The following LAMB4 variants were observed in gnomAD, a reference collection of about 807,000 sequenced individuals.
The protein encoded by LAMB4 is laminin subunit beta 4, also known as laminin subunit beta-4.
LAMB4 carries 196 observed loss-of-function variants against 199.2 expected under a neutral mutation model. The ratio of observed to expected loss-of-function variants is 0.98; its 90% confidence interval spans 0.88 to 1.11. LAMB4 has a LOEUF of 1.11. Among genes scored for constraint, LAMB4 ranks in the 50% least tolerant of loss-of-function variants. LAMB4 has a pLI of 0.00. For missense variants in LAMB4, 2,080 were observed against 2,171.2 expected, an observed-to-expected ratio of 0.96 and a Z score of 0.83; for synonymous variants, 744 against 770.6, an observed-to-expected ratio of 0.97 and a Z score of 0.57.
chr7:108,120,803 AT>A (rs1221550340), intron 2 of LAMB4, among the ~76,000 whole-genome samples: 3 of 151,756 alleles, frequency 2.0e-5, no homozygotes, highest in South Asian at 4.2e-4. Context: ...TCCATCCTGG[AT>A]TTTTTTTTAA....
At position 108,078,249 on chromosome 7, in the gene LAMB4, T is replaced by A. The variant is rs1205894437; in HGVS notation, c.1955A>T (p.Lys652Met). The A allele has an allele frequency of 6.2e-7, 1 of 1,612,008 alleles. No homozygotes were observed. Among genetic ancestry groups the A allele is most frequent in the South Asian group, 1.1e-5 (1 of 90,274 alleles). Residue 652 changes from lysine (K) to methionine (M), a missense_variant, in exon 16 of 34, where the codon AAG (lysine) becomes ATG (methionine). Transcript: ENST00000388781. Reference sequence around the variant, plus strand: ...AGACTGAGGCTTTGACTGTAGAGTCTTGGGTATGCAGTGCTCACTCCCTCC... The same window carrying A: ...AGACTGAGGCTTTGACTGTAGAGTCATGGGTATGCAGTGCTCACTCCCTCC... ...PPGGSEHCIPKTLQSKPQSFA... is the reference protein window; with the variant it reads ...PPGGSEHCIPMTLQSKPQSFA...
At chr7:108,060,637 G>A (rs765402522) in intron 23 of LAMB4, among the ~76,000 whole-genome samples, 1 of 152,212 alleles carries the variant, frequency 6.6e-6, no homozygotes, top group Non-Finnish European at 1.5e-5. Flanking sequence ...ATGTCAAAGG[G>A]ACACAGGAGC....
chr7:108,048,850 C>T (rs2150521901), intron 27 of LAMB4, among the ~76,000 whole-genome samples: 1 of 152,124 alleles, frequency 6.6e-6, no homozygotes, highest in African/African-American at 2.4e-5. Flanking sequence ...ACGCCACTAC[C>T]CCCAGGTAAT....
In LAMB4 at chr7:108,055,939, G is replaced by T. The variant is rs771415950; in HGVS notation, c.3448C>A (p.Arg1150=). The change falls in exon 25 of 34, where the codon CGG becomes AGG. Residue 1150 remains arginine, a synonymous_variant. Coordinates refer to ENST00000388781, the MANE Select transcript of LAMB4 (RefSeq NM_007356.3). The part of the protein sequence containing the change: ...CDPDTGMCRC[R]EGVSGQRCDR... ...CATCTCTGGCCGCTGACACCCTCCC[G>T]GCAGCGGCACATGCCTGTGTCTGGA... is the stretch of plus-strand genomic sequence containing the variant. 1 of 1,614,138 alleles carries T rather than the reference G, an allele frequency of 6.2e-7. No homozygotes were observed. Among genetic ancestry groups the T allele is most frequent in the African/African-American group, 1.3e-5 (1 of 75,042 alleles).
intron 29 of LAMB4, among the ~76,000 whole-genome samples, chr7:108,042,551 C>T (rs543664480): frequency 1.3e-5 from 2 of 152,206 alleles, no homozygotes; most frequent in African/African-American, 4.8e-5. Context: ...ACAGATTCAT[C>T]CAGCTTACTC....
chr7:108,088,609 C>A (rs2037279116), intron 14 of LAMB4, among the ~76,000 whole-genome samples: 1 of 152,196 alleles, frequency 6.6e-6, no homozygotes, highest in African/African-American at 2.4e-5. Flanking sequence ...AATGTTGAAA[C>A]AATTCTTCAT....
At chr7:108,121,312 T>A (rs796884096) in intron 2 of LAMB4, among the ~76,000 whole-genome samples, 2 of 152,256 alleles carry the variant, frequency 1.3e-5, no homozygotes, top group East Asian at 3.8e-4. Context: ...TGTTACTATA[T>A]AATTTCTCTA....
At chr7:108,075,817 A>T in intron 17 of LAMB4, 1 of 156,684 alleles carries the variant, frequency 6.4e-6, no homozygotes, top group South Asian at 1.7e-4. Flanking sequence ...AAAATTAGCC[A>T]GGTGTGGTGG....
chr7:108,038,785 C>T (rs1339648255), intron 29 of LAMB4, among the ~76,000 whole-genome samples: 1 of 152,170 alleles, frequency 6.6e-6, no homozygotes, highest in African/African-American at 2.4e-5. Flanking sequence ...TCCTGTGTTA[C>T]AGCAAAGCCA....
At chr7:108,033,735 ATTTT>A (rs556578520) in intron 31 of LAMB4, among the ~76,000 whole-genome samples, 4 of 102,060 alleles carry the variant, frequency 3.9e-5, no homozygotes, top group African/African-American at 9.9e-5. Context: ...TTGGATGAGT[ATTTT>A]TTTTTTTTTT....
intron 14 of LAMB4, among the ~76,000 whole-genome samples, chr7:108,086,151 C>G (rs2037167548): frequency 6.6e-6 from 1 of 152,208 alleles, no homozygotes; most frequent in Admixed American, 6.5e-5. Flanking sequence ...CAGTCCAGCA[C>G]CAACGACTGA....
Position 108,107,772 on chromosome 7 carries a change from T to C in LAMB4, c.450A>G (p.Gly150=), listed in dbSNP as rs1251192622. The part of the protein sequence containing the change: ...AMLVERSTDY[G]HNWKVFKYFA... ...AATATTTGAACACTTTCCAGTTGTG[T>C]CCATAGTCTGTGGAACGTTCAACTA... The change falls in exon 6 of 34, where the codon GGA becomes GGG. Residue 150 remains glycine, a synonymous_variant. Coordinates refer to ENST00000388781, the MANE Select transcript of LAMB4 (RefSeq NM_007356.3). 3 of 1,612,054 alleles carry C rather than the reference T, an allele frequency of 1.9e-6. No individual in the cohort carries two copies. Among genetic ancestry groups the C allele is most frequent in the Non-Finnish European group, 2.5e-6 (3 of 1,179,610 alleles).
chr7:108,012,895 A>G, the LAMB4 span, among the ~76,000 whole-genome samples: 1 of 152,176 alleles, frequency 6.6e-6, no homozygotes. Context: ...CTGCCAAGCC[A>G]GTGTTTATGG....
At chr7:108,043,965 T>A in intron 28 of LAMB4, 69 bp from the exon 29 acceptor site, 1 of 1,375,260 alleles carries the variant, frequency 7.3e-7, no homozygotes, top group Non-Finnish European at 9.9e-7. Context: ...CTTTGATGTT[T>A]AATTACTTAG....
intron 4 of LAMB4, among the ~76,000 whole-genome samples, chr7:108,110,882 CAT>C (rs2038199578): frequency 6.6e-6 from 1 of 152,144 alleles, no homozygotes; most frequent in Admixed American, 6.5e-5. Context: ...AAGTGGATGA[CAT>C]AAATAAAACA....
In LAMB4 at chr7:108,029,175, G is replaced by GT. The variant is rs774297152; in HGVS notation, c.5013dup (p.Gln1672ThrfsTer8). The GT allele has an allele frequency of 2.5e-6, 4 of 1,611,554 alleles. No individual in the cohort carries two copies. The East Asian group carries it at 8.9e-5, about 36-fold the overall frequency. On this transcript the variant is annotated frameshift_variant, in exon 33 of 34. Coordinates refer to ENST00000388781, the MANE Select transcript of LAMB4 (RefSeq NM_007356.3). LOFTEE classifies it high-confidence loss of function. ...GTCTTACGTTGGAGAATAGCATATT[G>GT]TTTTTTCAGCTCAACAAATTCCTGT...
At chr7:108,098,691 T>G (rs1167025464) in intron 10 of LAMB4, 109 bp from the exon 11 acceptor site, 3 of 872,936 alleles carry the variant, frequency 3.4e-6, no homozygotes, top group Non-Finnish European at 5.0e-6. Flanking sequence ...GTTTAAATAA[T>G]TAAATGTTTA....
At chr7:108,063,294 A>G (rs1489767280) in intron 22 of LAMB4, among the ~76,000 whole-genome samples, 1 of 152,156 alleles carries the variant, frequency 6.6e-6, no homozygotes, top group Non-Finnish European at 1.5e-5. Context: ...TATTTAAATG[A>G]CTTGAAAACA....
chr7:108,120,216 C>T (rs893978279), intron 2 of LAMB4, among the ~76,000 whole-genome samples: 2 of 152,112 alleles, frequency 1.3e-5, no homozygotes, highest in African/African-American at 2.4e-5. Context: ...TTTTCATGAA[C>T]TTGTTTTACA....
Sources: gnomAD v4.1 joint callset for allele counts (sites outside exome capture counted in the v4.1 genomes callset) on GRCh38, gnomAD v4.1.1 for gene constraint, MANE v1.5 for transcripts, NCBI Gene and HGNC (gene_info 2026-07-23, HGNC 2026-07-21) for gene names.